The following RFTN1 variants were observed in gnomAD, a reference collection of about 807,000 sequenced individuals.
The protein encoded by RFTN1 is raftlin.
In RFTN1, 26 loss-of-function variants were observed where a neutral mutation model predicts 46.5. That is an observed-to-expected ratio of 0.56 (90% CI 0.41 to 0.78). RFTN1 has a LOEUF of 0.78. Ranked by LOEUF, RFTN1 falls within the 30% of genes least tolerant of loss-of-function variation. RFTN1 has a pLI of 0.00. For missense variants in RFTN1, 693 were observed against 718.7 expected, an observed-to-expected ratio of 0.96 and a Z score of 0.41; for synonymous variants, 261 against 284.2, an observed-to-expected ratio of 0.92 and a Z score of 0.82.
chr3:16,375,234 T>G, intron 5 of RFTN1, among the ~76,000 whole-genome samples: 1 of 150,254 alleles, frequency 6.7e-6, no homozygotes, highest in African/African-American at 2.5e-5. Context: ...TGTGGGGGAG[T>G]GACAGTGAGT....
rs548067116 is a variant in RFTN1, at chr3:16,450,137, C to T, written c.146-16100G>A. ...TTAAATGTGCAAACAGAAAATATTT[C>T]TCTGAAAGAGTCATAAAATGTCAGC... On this transcript the variant is annotated intron_variant, in intron 2 of 9. Transcript: ENST00000334133. This position sits in a 1 kb window ranked among gnomAD's most constrained non-coding sequence, Gnocchi z 4.6. 1.6e-4 allele frequency among the ~76,000 whole-genome samples: 25 copies of T among 152,298 alleles called. No homozygotes were observed. In the East Asian group the frequency reaches 2.3e-3, roughly 14 times the overall value.
Position 16,424,294 on chromosome 3 carries a change from C to T in RFTN1, c.332+9557G>A, listed in dbSNP as rs572134263. 2.0e-5 allele frequency among the ~76,000 whole-genome samples: 3 copies of T among 152,262 alleles called. No individual in the cohort carries two copies. The highest frequency in any genetic ancestry group is 1.9e-4 in the East Asian group (1 of 5,186). ...CACTCCAAACTTCGGACTGAGAAGTCGTTAATGACTTCTTCAGCCTCATTT... is the reference window on the plus strand; with the variant it reads ...CACTCCAAACTTCGGACTGAGAAGTTGTTAATGACTTCTTCAGCCTCATTT... On this transcript the variant is annotated intron_variant, in intron 3 of 9. Coordinates refer to ENST00000334133, the MANE Select transcript of RFTN1 (RefSeq NM_015150.2). This position sits in a 1 kb window ranked among gnomAD's most constrained non-coding sequence, Gnocchi z 4.7.
At chr3:16,432,547 C>A (rs1208629927) in intron 3 of RFTN1, among the ~76,000 whole-genome samples, 1 of 151,714 alleles carries the variant, frequency 6.6e-6, no homozygotes, top group Non-Finnish European at 1.5e-5. Flanking sequence ...GAAAAGAAAC[C>A]AATATGCAGC....
chr3:16,350,739 T>C (rs534141036), intron 7 of RFTN1, among the ~76,000 whole-genome samples: 1 of 152,288 alleles, frequency 6.6e-6, no homozygotes, highest in South Asian at 2.1e-4. Context: ...GGGCCTTTCA[T>C]GGGAGTGATT....
rs2072825201 is a variant in RFTN1 at position 16,361,427 on chromosome 3, GATAC to G, written c.1031-3384_1031-3381del. On this transcript the variant is annotated intron_variant, in intron 6 of 9. Coordinates refer to ENST00000334133, the MANE Select transcript of RFTN1 (RefSeq NM_015150.2). This position sits in a 1 kb window ranked among gnomAD's most constrained non-coding sequence, Gnocchi z 4.3. ...AAGACAATAACATCATGTCAGAGGTGATACATGCTAGAAAAATACTAAGTGGGCC... is the reference window on the plus strand; with the variant it reads ...AAGACAATAACATCATGTCAGAGGTGATGCTAGAAAAATACTAAGTGGGCC... Among the ~76,000 whole-genome samples, 1 of 152,192 alleles carries G rather than the reference GATAC, an allele frequency of 6.6e-6. No homozygotes were observed. Among genetic ancestry groups the G allele is most frequent in the South Asian group, 2.1e-4 (1 of 4,834 alleles).
intron 3 of RFTN1, among the ~76,000 whole-genome samples, chr3:16,411,150 C>T (rs1244869434): frequency 6.6e-6 from 1 of 152,042 alleles, no homozygotes; most frequent in African/African-American, 2.4e-5. Context: ...AAAGAGGGGC[C>T]CCTGAAGTCC....
rs540400487 is a variant in RFTN1, at chr3:16,337,525, T to C, written c.1147-10649A>G. ...TTGGGAGGCAGAGGTGGGTGGATCA[T>C]GAGGTCAGGAGATCGAGACCACCCT... On this transcript the variant is annotated intron_variant, in intron 7 of 9. Coordinates refer to ENST00000334133, the MANE Select transcript of RFTN1 (RefSeq NM_015150.2). The surrounding 1 kb of genome is among the most constrained non-coding windows in gnomAD (Gnocchi z 5.0). Among the ~76,000 whole-genome samples the C allele has an allele frequency of 4.3e-4, 66 of 151,968 alleles. No homozygotes were observed. Among genetic ancestry groups the C allele is most frequent in the African/African-American group, 1.4e-3 (56 of 41,456 alleles).
chr3:16,415,424 T>TACACACACACACACACACACAC (rs2075054954), intron 3 of RFTN1, among the ~76,000 whole-genome samples: 3 of 90,840 alleles, frequency 3.3e-5, no homozygotes, highest in South Asian at 7.2e-4. Context: ...TATATATATA[T>TACACACACACACACACACACAC]ATATATACAC....
Position 16,376,825 on chromosome 3 carries a change from TG to T in RFTN1, c.826+892del, listed in dbSNP as rs1290234721. 6.6e-6 allele frequency among the ~76,000 whole-genome samples: 1 copy of T among 152,224 alleles called. No homozygotes were observed. The highest frequency in any genetic ancestry group is 1.5e-5 in the Non-Finnish European group (1 of 68,038). On this transcript the variant is annotated intron_variant, in intron 5 of 9. Coordinates refer to ENST00000334133, the MANE Select transcript of RFTN1 (RefSeq NM_015150.2). This position sits in a 1 kb window ranked among gnomAD's most constrained non-coding sequence, Gnocchi z 4.7. ...TGTAACAAAAGAAACTGTTTCTCCT[TG>T]TTTTCCCTTCTGGAAGCACCACCTG...
At position 16,509,211 on chromosome 3, in the gene RFTN1, A is replaced by C. The variant is rs2076859605; in HGVS notation, c.-9+4231T>G. On this transcript the variant is annotated intron_variant, in intron 1 of 9. Coordinates refer to ENST00000334133, the MANE Select transcript of RFTN1 (RefSeq NM_015150.2). This position sits in a 1 kb window ranked among gnomAD's most constrained non-coding sequence, Gnocchi z 4.9. Reference sequence around the variant, plus strand: ...ATGAAAACAAACAAACAACAACAAAAAAAAACTAAAGAAAATGATTGCAGT... The same window carrying C: ...ATGAAAACAAACAAACAACAACAAACAAAAACTAAAGAAAATGATTGCAGT... Among the ~76,000 whole-genome samples the C allele has an allele frequency of 6.6e-6, 1 of 152,220 alleles. No individual in the cohort carries two copies.
chr3:16,493,730 C>A lies in RFTN1; in HGVS notation c.140G>T (p.Ser47Ile), dbSNP rs1316857528. The A allele has an allele frequency of 6.2e-7, 1 of 1,612,924 alleles. No individual in the cohort carries two copies. Among genetic ancestry groups the A allele is most frequent in the Non-Finnish European group, 8.5e-7 (1 of 1,179,648 alleles). The change falls in exon 2 of 10, where the codon AGT becomes ATT. Residue 47 changes from serine to isoleucine, a missense_variant. Ser to Ile is a moderately radical substitution (Grantham distance 142, BLOSUM62 -2). Coordinates refer to ENST00000334133, the MANE Select transcript of RFTN1 (RefSeq NM_015150.2). ...TTCCCACCCCATGTACTCACCAGCA[C>A]TCAGAGTCGTGAACTCCAGGAAGCG... ...EYRFLEFTTL[S>I]AAELPGSSAV... is the part of the protein sequence containing the mutation.
rs1261854605 is a variant in RFTN1, at chr3:16,418,006, C to A, written c.333-8523G>T. 6.6e-6 allele frequency among the ~76,000 whole-genome samples: 1 copy of A among 152,218 alleles called. No homozygotes were observed. Among genetic ancestry groups the A allele is most frequent in the Non-Finnish European group, 1.5e-5 (1 of 68,036 alleles). On this transcript the variant is annotated intron_variant, in intron 3 of 9. Transcript: ENST00000334133. This position sits in a 1 kb window ranked among gnomAD's most constrained non-coding sequence, Gnocchi z 5.0. ...ACAGGTGTGAGCAACCATGCCCGGC[C>A]TTGTCTGACCCATTTAAACAGCCCC... is the stretch of plus-strand genomic sequence containing the variant.
chr3:16,508,367 G>C (rs369292894), intron 1 of RFTN1, among the ~76,000 whole-genome samples: 2 of 152,156 alleles, frequency 1.3e-5, no homozygotes, highest in Admixed American at 6.5e-5. Context: ...TCCTGGCAGG[G>C]AGCCATCACT....
rs999367022 is a variant in RFTN1, at chr3:16,507,086, T to C, written c.-9+6356A>G. ...AAGCCATTTAACCTCAGTTTTCTCA[T>C]CTGTAAAATGGGGACAACTGCAATA... On this transcript the variant is annotated intron_variant, in intron 1 of 9. Coordinates refer to ENST00000334133, the MANE Select transcript of RFTN1 (RefSeq NM_015150.2). This position sits in a 1 kb window ranked among gnomAD's most constrained non-coding sequence, Gnocchi z 7.1. 1.1e-4 allele frequency among the ~76,000 whole-genome samples: 17 copies of C among 152,150 alleles called. No homozygotes were observed. Among genetic ancestry groups the C allele is most frequent in the African/African-American group, 3.9e-4 (16 of 41,432 alleles).
intron 7 of RFTN1, among the ~76,000 whole-genome samples, chr3:16,333,892 G>A (rs140899009): frequency 8.5e-5 from 13 of 152,202 alleles, no homozygotes; most frequent in South Asian, 6.2e-4. Flanking sequence ...CCAGCCGGGC[G>A]TGGTGGCTCA....
chr3:16,476,541 G>C (rs964342246), intron 2 of RFTN1, among the ~76,000 whole-genome samples: 3 of 152,172 alleles, frequency 2.0e-5, no homozygotes, highest in Non-Finnish European at 4.4e-5. Context: ...TTGGGGCAAG[G>C]TGGTAAAAGA....
chr3:16,343,454 C>G (rs2071441301), intron 7 of RFTN1, among the ~76,000 whole-genome samples: 1 of 152,206 alleles, frequency 6.6e-6, no homozygotes, highest in Non-Finnish European at 1.5e-5. Context: ...TTTTCCTCCT[C>G]CAAGATAAAC....
At chr3:16,441,484 A>G (rs2075623218) in intron 2 of RFTN1, among the ~76,000 whole-genome samples, 1 of 152,182 alleles carries the variant, frequency 6.6e-6, no homozygotes. Flanking sequence ...CCCTTCAGAC[A>G]TTTGCAAAGG....
At chr3:16,511,658 G>GTATTCTTCC (rs2076904517) in intron 1 of RFTN1, among the ~76,000 whole-genome samples, 1 of 152,072 alleles carries the variant, frequency 6.6e-6, no homozygotes, top group Admixed American at 6.5e-5. Context: ...CTGCTGAAAA[G>GTATTCTTCC]AGAAGACTGG....
Sources: gnomAD v4.1 joint callset for allele counts (sites outside exome capture counted in the v4.1 genomes callset) on GRCh38, gnomAD v4.1.1 for gene constraint, Gnocchi (gnomAD v3.1) non-coding constraint, MANE v1.5 for transcripts, NCBI Gene and HGNC (gene_info 2026-07-23, HGNC 2026-07-21) for gene names.